Variants in MAPK6 observed in about 807,000 individuals in gnomAD.
The protein encoded by MAPK6 is mitogen-activated protein kinase 6, also known as ERK-3.
In MAPK6, 19 loss-of-function variants were observed where a neutral mutation model predicts 59.3. The observed-to-expected ratio is 0.32, with a 90% CI of 0.22 to 0.47. MAPK6 has a LOEUF of 0.47. Among genes scored for constraint, MAPK6 ranks in the 20% least tolerant of loss-of-function variants. MAPK6 has a pLI of 1.00. For missense variants in MAPK6, 724 were observed against 847.9 expected (o/e 0.85, Z 1.81); for synonymous variants, 316 against 290.3 (o/e 1.09, Z -0.90).
chr15:51,991,146 TATACACACACACACACACACAC>T (rs1482828143), intron 2 of MAPK6, among the ~76,000 whole-genome samples: 2,061 of 120,420 alleles, frequency 0.017, 49 homozygotes, highest in African/African-American at 0.067. Flanking sequence ...AATATATATA[TATACACACACACACACACACAC>T]ACACACACAC....
intron 1 of MAPK6, among the ~76,000 whole-genome samples, chr15:52,028,812 C>G (rs1437738691): frequency 1.3e-5 from 2 of 152,196 alleles, no homozygotes; most frequent in African/African-American, 2.4e-5. Context: ...TTTTTGTGCT[C>G]TCTCCACTTC....
At chr15:52,035,007 A>G (rs889419990) in intron 1 of MAPK6, among the ~76,000 whole-genome samples, 3 of 152,100 alleles carry the variant, frequency 2.0e-5, no homozygotes, top group Non-Finnish European at 4.4e-5. Flanking sequence ...TGGCCTTGTT[A>G]TCTCTTCATA....
At chr15:52,015,773 C>A (rs985926415), upstream of MAPK6, among the ~76,000 whole-genome samples, 1 of 147,508 alleles carries the variant, frequency 6.8e-6, no homozygotes, top group African/African-American at 2.5e-5. Flanking sequence ...AGAACTGAAA[C>A]CGGGCTGGGC....
intron 2 of MAPK6, among the ~76,000 whole-genome samples, chr15:51,991,988 G>A (rs947675466): frequency 1.3e-5 from 2 of 152,206 alleles, no homozygotes; most frequent in East Asian, 1.9e-4. Flanking sequence ...ACTGGGTCTC[G>A]CTCTGTCACC....
intron 1 of MAPK6, among the ~76,000 whole-genome samples, chr15:52,037,091 G>A (rs964837189): frequency 2.0e-5 from 3 of 152,122 alleles, no homozygotes; most frequent in Non-Finnish European, 2.9e-5. Context: ...GAGGCCGGGA[G>A]TTCAAGACCA....
In MAPK6 at chr15:51,985,385, T is replaced by C. The variant is rs2057187559; in HGVS notation, c.-770+2070T>C. ...TATTGTATATCATGGTCAGGCACGGTGGCTCACATCTACAATCCCAACACT... is the reference window on the plus strand; with the variant it reads ...TATTGTATATCATGGTCAGGCACGGCGGCTCACATCTACAATCCCAACACT... On this transcript the variant is annotated intron_variant, in intron 2 of 7. Coordinates refer to the MAPK6 transcript ENST00000691380. 2.0e-5 allele frequency among the ~76,000 whole-genome samples: 3 copies of C among 151,980 alleles called. No individual in the cohort carries two copies. The South Asian group carries it at 6.2e-4, about 32-fold the overall frequency.
At chr15:52,042,632 C>G (rs1365025572) in intron 1 of MAPK6, 1 of 152,214 alleles carries the variant, frequency 6.6e-6, no homozygotes. Context: ...TAGTGCTATT[C>G]TGTCAGATAA....
intron 2 of MAPK6, among the ~76,000 whole-genome samples, chr15:51,994,308 C>G (rs535994567): frequency 6.2e-4 from 95 of 152,232 alleles, no homozygotes; most frequent in African/African-American, 2.3e-3. Flanking sequence ...ACCAGGGCCC[C>G]TTGGAGAATG....
In MAPK6 at chr15:52,038,156, G is replaced by GAAAA. The variant is rs35579384; in HGVS notation, c.-631-7662_-631-7659dup. On this transcript the variant is annotated intron_variant, in intron 1 of 5. Coordinates refer to ENST00000261845, the MANE Select transcript of MAPK6 (RefSeq NM_002748.4). Reference sequence around the variant, plus strand: ...AATGTGTTCCTTTGAGCTCAAGATTGAAAAAAAAAAAAAAATTGACCTCTG... The same window carrying GAAAA: ...AATGTGTTCCTTTGAGCTCAAGATTGAAAAAAAAAAAAAAAAAAATTGACCTCTG... Among the ~76,000 whole-genome samples the GAAAA allele has an allele frequency of 1.5e-3, 211 of 145,326 alleles. 1 individual carries two copies. The highest frequency in any genetic ancestry group is 4.8e-3 in the African/African-American group (188 of 39,296).
intron 1 of MAPK6, among the ~76,000 whole-genome samples, chr15:52,044,368 C>T (rs1056620011): frequency 6.6e-6 from 1 of 152,152 alleles, no homozygotes; most frequent in Non-Finnish European, 1.5e-5. Context: ...TTTATTAAAG[C>T]TGTCTTTCTC....
At position 52,046,133 on chromosome 15, in the gene MAPK6, G is replaced by A. The variant is rs139663660; in HGVS notation, c.-328G>A. ...TGTTAAATGTTAAATCGTTTAGCAC[G>A]GTAATCTGAGTGCACAGTATGTCAT... On this transcript the variant is annotated 5_prime_UTR_variant, in exon 2 of 6. Transcript: ENST00000261845. 874 of 236,422 alleles carry A rather than the reference G, an allele frequency of 3.7e-3. 4 individuals carry two copies. The highest frequency in any genetic ancestry group is 5.3e-3 in the Non-Finnish European group (637 of 120,486). The allele number at this position is 236,422 out of a possible 1,614,324, so 14.6% of individuals were successfully genotyped here. A position where few individuals can be genotyped will look rare whatever the true frequency, so the allele number is the denominator to read the frequency against.
rs2032307723 is a variant in MAPK6 at position 52,063,934 on chromosome 15, G to C, written c.1100G>C (p.Trp367Ser). The change falls in exon 6 of 6, where the codon TGG becomes TCG. Residue 367 changes from tryptophan to serine, a missense_variant. Trp to Ser is a radical substitution (Grantham distance 177, BLOSUM62 -3). Around this residue, in one of 4 missense-constraint regions of MAPK6, gnomAD observed 502 missense variants for 507.6 expected, o/e 0.99. Transcript: ENST00000261845. ...YHDCQFSEHD[W>S]PVHNNFDIDE... ...GATTGTCAGTTTTCAGAGCATGATT[G>C]GCCTGTACATAACAACTTTGATATT... is the stretch of plus-strand genomic sequence containing the variant. 1.3e-6 allele frequency: 2 copies of C among 1,583,324 alleles called. No individual in the cohort carries two copies. Among genetic ancestry groups the C allele is most frequent in the Non-Finnish European group, 8.6e-7 (1 of 1,164,100 alleles).
chr15:52,016,207 T>C (rs1252849370), upstream of MAPK6, among the ~76,000 whole-genome samples: 1 of 150,694 alleles, frequency 6.6e-6, no homozygotes, highest in African/African-American at 2.4e-5. Flanking sequence ...CTGCCCAACA[T>C]GGTGAAACCC....
chr15:52,014,703 T>TAAAAAAAAAAAAAAAAAAAAAAA (rs796259080), upstream of MAPK6, among the ~76,000 whole-genome samples: 9 of 119,450 alleles, frequency 7.5e-5, no homozygotes, highest in African/African-American at 1.6e-4. Flanking sequence ...TGAGATTTTC[T>TAAAAAAAAAAAAAAAAAAAAAAA]AAAAAAAAAA....
chr15:52,058,849 A>T, intron 4 of MAPK6, 52 bp downstream of exon 4: 1 of 1,495,668 alleles, frequency 6.7e-7, no homozygotes, highest in Non-Finnish European at 9.0e-7. Context: ...GTGAGGCAGA[A>T]TCTGTGTAGG....
rs1404671796 is a variant in MAPK6 at position 52,003,618 on chromosome 15, A to T, written c.-769-647A>T. On this transcript the variant is annotated intron_variant, in intron 2 of 7. Coordinates refer to the MAPK6 transcript ENST00000691380. ...GGTATCATGTCAGCAATTGACTCTCAAATTGTTCAGGTAAAAATTCATTAT... is the reference window on the plus strand; with the variant it reads ...GGTATCATGTCAGCAATTGACTCTCTAATTGTTCAGGTAAAAATTCATTAT... Among the ~76,000 whole-genome samples, 4 of 152,356 alleles carry T rather than the reference A, an allele frequency of 2.6e-5. No individual in the cohort carries two copies. The East Asian group carries it at 7.7e-4, about 29-fold the overall frequency.
intron 2 of MAPK6, among the ~76,000 whole-genome samples, chr15:51,983,992 A>AC (rs916902468): frequency 6.6e-6 from 1 of 152,022 alleles, no homozygotes; most frequent in African/African-American, 2.4e-5. Flanking sequence ...TCTCATTAAA[A>AC]AAAAAAAATC....
intron 1 of MAPK6, among the ~76,000 whole-genome samples, chr15:52,043,706 A>T (rs1233003792): frequency 1.3e-5 from 2 of 148,974 alleles, no homozygotes; most frequent in Admixed American, 1.3e-4. Flanking sequence ...GCTCAGCTAG[A>T]TAATAGCAAA....
At chr15:52,062,603 A>G (rs554889912) in intron 5 of MAPK6, among the ~76,000 whole-genome samples, 6 of 152,132 alleles carry the variant, frequency 3.9e-5, no homozygotes, top group Admixed American at 3.9e-4. Flanking sequence ...GGTCTCTACT[A>G]AAAATACAAA....
Sources: gnomAD v4.1 joint callset for allele counts (sites outside exome capture counted in the v4.1 genomes callset) on GRCh38, gnomAD v4.1.1 for gene constraint, gnomAD v4.1.1 regional missense constraint, MANE v1.5 for transcripts, NCBI Gene and HGNC (gene_info 2026-07-23, HGNC 2026-07-21) for gene names.